Variants in GALNTL6 observed in about 807,000 individuals in gnomAD.
The protein encoded by GALNTL6 is polypeptide N-acetylgalactosaminyltransferase-like 6.
A neutral mutation model predicts 73.7 loss-of-function variants in GALNTL6; 46 were observed. The ratio of observed to expected loss-of-function variants is 0.62; its 90% confidence interval spans 0.49 to 0.80. GALNTL6 has a LOEUF of 0.80. Ranked by LOEUF, GALNTL6 falls within the 30% of genes least tolerant of loss-of-function variation. GALNTL6 has a pLI of 0.00. For missense variants in GALNTL6, 604 were observed against 755.0 expected (o/e 0.80, Z 2.34); for synonymous variants, 259 against 263.7 (o/e 0.98, Z 0.17).
chr4:171,946,828 C>A (rs1049963585), intron 2 of GALNTL6, among the ~76,000 whole-genome samples: 2 of 151,256 alleles, frequency 1.3e-5, no homozygotes, highest in African/African-American at 2.4e-5. Flanking sequence ...CAGAGAGGGG[C>A]CAGAAGAGAA....
At chr4:172,919,130 A>T (rs1348795361) in intron 8 of GALNTL6, among the ~76,000 whole-genome samples, 2 of 152,202 alleles carry the variant, frequency 1.3e-5, no homozygotes, top group African/African-American at 4.8e-5. Context: ...ACTGTTTACG[A>T]AAAGAGTTTT....
intron 2 of GALNTL6, among the ~76,000 whole-genome samples, chr4:172,117,146 G>C (rs953418239): frequency 6.6e-6 from 1 of 152,020 alleles, no homozygotes; most frequent in African/African-American, 2.4e-5. Context: ...CAAAAACAAC[G>C]TAATAAACTA....
chr4:172,025,793 G>GTGTGTGTGTGTATGTT lies in GALNTL6; in HGVS notation c.139-203851_139-203836dup, dbSNP rs1307052585. On this transcript the variant is annotated intron_variant, in intron 2 of 12. Transcript: ENST00000506823. The stretch of plus-strand genomic sequence containing the variant: ...CCCTAAATAAGCAGGCCTTTGGTGT[G>GTGTGTGTGTGTATGTT]TGTGTGTGTGTATGTTTGTGTGTGT... 2.0e-5 allele frequency among the ~76,000 whole-genome samples: 3 copies of GTGTGTGTGTGTATGTT among 151,870 alleles called. No homozygotes were observed. The East Asian group carries it at 5.8e-4, about 29-fold the overall frequency.
intron 2 of GALNTL6, among the ~76,000 whole-genome samples, chr4:172,153,138 C>T (rs957011462): frequency 1.3e-5 from 2 of 152,210 alleles, no homozygotes; most frequent in Non-Finnish European, 2.9e-5. Flanking sequence ...CTGACCATTT[C>T]CATCGTTGTG....
intron 5 of GALNTL6, among the ~76,000 whole-genome samples, chr4:172,410,761 G>T (rs1306928719): frequency 6.6e-6 from 1 of 152,072 alleles, no homozygotes; most frequent in East Asian, 1.9e-4. Context: ...AACACCATCA[G>T]TTAATTGTAC....
intron 2 of GALNTL6, among the ~76,000 whole-genome samples, chr4:171,849,399 G>C (rs1735459372): frequency 6.6e-6 from 1 of 152,156 alleles, no homozygotes; most frequent in South Asian, 2.1e-4. Flanking sequence ...GAAGTGCTTT[G>C]TGTAATTTTC....
rs576179653 is a variant in GALNTL6 at position 172,638,180 on chromosome 4, T to A, written c.554-171181T>A. Reference sequence around the variant, plus strand: ...CACATCACAAAAAGTAAACTCAGTGTATCCTTGACATGACTTTGTAAGATC... The same window carrying A: ...CACATCACAAAAAGTAAACTCAGTGAATCCTTGACATGACTTTGTAAGATC... On this transcript the variant is annotated intron_variant, in intron 5 of 12. Coordinates refer to ENST00000506823, the MANE Select transcript of GALNTL6 (RefSeq NM_001034845.3). 7.9e-5 allele frequency among the ~76,000 whole-genome samples: 12 copies of A among 152,242 alleles called. 1 individual carries two copies. The South Asian group carries it at 2.5e-3, about 32-fold the overall frequency.
intron 2 of GALNTL6, among the ~76,000 whole-genome samples, chr4:171,863,314 T>C (rs1280518172): frequency 6.6e-6 from 1 of 152,230 alleles, no homozygotes; most frequent in Non-Finnish European, 1.5e-5. Flanking sequence ...GGATCTATTG[T>C]AGACCTCTGT....
intron 5 of GALNTL6, among the ~76,000 whole-genome samples, chr4:172,403,460 G>GT (rs1216464949): frequency 6.6e-6 from 1 of 151,888 alleles, no homozygotes; most frequent in African/African-American, 2.4e-5. Context: ...ATGAACTAAC[G>GT]TATCAAATAA....
At chr4:172,530,219 A>C (rs1247523495) in intron 5 of GALNTL6, among the ~76,000 whole-genome samples, 2 of 152,118 alleles carry the variant, frequency 1.3e-5, no homozygotes, top group East Asian at 3.9e-4. Flanking sequence ...GCACCTTCCC[A>C]AGCTAAGATA....
At chr4:172,852,705 G>A (rs11944378) in intron 7 of GALNTL6, among the ~76,000 whole-genome samples, 14,426 of 151,984 alleles carry the variant, frequency 0.095, 855 homozygotes, top group Non-Finnish European at 0.14. Flanking sequence ...TATATACATA[G>A]GACTATTATA....
intron 7 of GALNTL6, among the ~76,000 whole-genome samples, chr4:172,830,986 C>T (rs957677552): frequency 1.3e-5 from 2 of 151,748 alleles, no homozygotes; most frequent in East Asian, 1.9e-4. Flanking sequence ...ATGGTGAAAC[C>T]CTGTCTCTAT....
intron 2 of GALNTL6, among the ~76,000 whole-genome samples, chr4:172,093,455 C>T (rs189691800): frequency 2.6e-4 from 39 of 152,198 alleles, no homozygotes; most frequent in Admixed American, 8.5e-4. Flanking sequence ...ACTCTGTATA[C>T]AGAACTGTTT....
At chr4:172,601,099 A>G (rs1738037474) in intron 5 of GALNTL6, among the ~76,000 whole-genome samples, 1 of 152,180 alleles carries the variant, frequency 6.6e-6, no homozygotes, top group Admixed American at 6.6e-5. Flanking sequence ...TAATGAGGAG[A>G]GAAATAAAAT....
intron 5 of GALNTL6, among the ~76,000 whole-genome samples, chr4:172,355,454 A>G (rs1263234684): frequency 2.6e-5 from 4 of 152,114 alleles, no homozygotes; most frequent in Non-Finnish European, 4.4e-5. Flanking sequence ...GATGGAATGG[A>G]AAGGCACAAC....
chr4:172,149,606 C>T (rs1042571246), intron 2 of GALNTL6, among the ~76,000 whole-genome samples: 2 of 152,088 alleles, frequency 1.3e-5, no homozygotes. Context: ...ACCGCCGAGC[C>T]CTGGTTTTCG....
At chr4:172,173,797 G>C (rs2110828803) in intron 2 of GALNTL6, among the ~76,000 whole-genome samples, 1 of 152,276 alleles carries the variant, frequency 6.6e-6, no homozygotes, top group South Asian at 2.1e-4. Flanking sequence ...AGACATCATA[G>C]GGTATTTGAG....
intron 2 of GALNTL6, among the ~76,000 whole-genome samples, chr4:172,138,507 A>T (rs1457853906): frequency 3.7e-3 from 37 of 9,998 alleles, no homozygotes; most frequent in East Asian, 0.02. Context: ...ATATATATAT[A>T]TATATATTTT....
At chr4:172,183,676 T>C (rs940113998) in intron 2 of GALNTL6, among the ~76,000 whole-genome samples, 1 of 152,220 alleles carries the variant, frequency 6.6e-6, no homozygotes, top group Admixed American at 6.5e-5. Context: ...AGTGTGAGAC[T>C]GCCTATTCCT....
Sources: allele counts gnomAD v4.1 joint callset (sites outside exome capture counted in the v4.1 genomes callset), GRCh38; gene constraint gnomAD v4.1.1; transcripts MANE v1.5; gene names NCBI Gene and HGNC (gene_info 2026-07-23, HGNC 2026-07-21).